Variants in TRIM29 observed in about 807,000 individuals in gnomAD.
TRIM29 encodes tripartite motif containing 29, also known as tripartite motif-containing protein 29.
Under a neutral mutation model 57.3 loss-of-function variants are expected in TRIM29, and 52 were observed. The ratio of observed to expected loss-of-function variants is 0.91; its 90% confidence interval spans 0.73 to 1.14. TRIM29 has a LOEUF of 1.14. Among genes scored for constraint, TRIM29 ranks in the 50% most tolerant of loss-of-function variants. The pLI is 0.00. For missense variants in TRIM29, 753 were observed against 774.6 expected (o/e 0.97, Z 0.33); for synonymous variants, 319 against 316.9 (o/e 1.01, Z -0.07).
At position 120,112,463 on chromosome 11, in the gene TRIM29, G is replaced by C; in HGVS notation, c.1718C>G (p.Pro573Arg). ...CCCGTTGCCTTTGTTGACGTAGAAT[G>C]GCCGGTAGTGAGACTGTGGGGGAAA... ...GKQTMLSHYR[P>R]FYVNKGNGIG... Residue 573 changes from proline to arginine, a missense_variant, in exon 9 of 9, where the codon CCA (proline) becomes CGA (arginine). Physicochemically the swap from Pro to Arg is moderately radical, Grantham distance 103. Coordinates refer to ENST00000341846, the MANE Select transcript of TRIM29 (RefSeq NM_012101.4). 1 of 1,613,630 alleles carries C rather than the reference G, an allele frequency of 6.2e-7. No individual in the cohort carries two copies. The highest frequency in any genetic ancestry group is 8.5e-7 in the Non-Finnish European group (1 of 1,179,802).
intron 8 of TRIM29, among the ~76,000 whole-genome samples, chr11:120,114,862 A>G (rs12808008): frequency 0.21 from 32,390 of 151,860 alleles, 4,345 homozygotes; most frequent in Non-Finnish European, 0.31. Flanking sequence ...GACCCTAAAT[A>G]TATCTATTCC....
rs1282522525 is a variant in TRIM29 at position 120,112,071 on chromosome 11, G to A, written c.*343C>T. The A allele has an allele frequency of 6.2e-6, 2 of 324,994 alleles. No homozygotes were observed. Among genetic ancestry groups the A allele is most frequent in the Non-Finnish European group, 1.2e-5 (2 of 171,872 alleles). 20.1% of individuals were successfully genotyped at this position (324,994 alleles called of 1,614,324 possible). A position where few individuals can be genotyped will look rare whatever the true frequency, so the allele number is the denominator to read the frequency against. On this transcript the variant is annotated 3_prime_UTR_variant, in exon 9 of 9. Coordinates refer to ENST00000341846, the MANE Select transcript of TRIM29 (RefSeq NM_012101.4). ...GGCGGGAGAGGCAGGCTGATACCAT[G>A]CGGGTACTCACTGCTAGCCCCCAGA...
rs771679809 is a variant in TRIM29, at chr11:120,112,022, T to C, written c.*392A>G. The C allele has an allele frequency of 1.6e-5, 4 of 245,940 alleles. No individual in the cohort carries two copies. Among genetic ancestry groups the C allele is most frequent in the East Asian group, 1.5e-4 (1 of 6,474 alleles). 15.2% of individuals were successfully genotyped at this position (245,940 alleles called of 1,614,324 possible). A position where few individuals can be genotyped will look rare whatever the true frequency, so the allele number is the denominator to read the frequency against. ...ATAGGGCCTTGGAGAGAAACGTCTA[T>C]AGGCCTGGAGACAGCAGGGCGTGGG... On this transcript the variant is annotated 3_prime_UTR_variant, in exon 9 of 9. Coordinates refer to ENST00000341846, the MANE Select transcript of TRIM29 (RefSeq NM_012101.4).
chr11:120,117,769 C>G, intron 7 of TRIM29: 1 of 191,182 alleles, frequency 5.2e-6, no homozygotes, highest in South Asian at 9.0e-5. Context: ...GACTTAGGGT[C>G]GTCTGGTCCT....
In TRIM29 at chr11:120,112,276, G is replaced by A. The variant is rs997990723; in HGVS notation, c.*138C>T. On this transcript the variant is annotated 3_prime_UTR_variant, in exon 9 of 9. Transcript: ENST00000341846. ...GGAGAGGCCGGAACTGCCCCCAAGA[G>A]GCTGGCAGAGGGCTGCAGAGGGCAG... 4.1e-6 allele frequency: 4 copies of A among 974,406 alleles called. No individual in the cohort carries two copies. The highest frequency in any genetic ancestry group is 3.1e-5 in the South Asian group (2 of 63,710). 60.4% of individuals were successfully genotyped at this position (974,406 alleles called of 1,614,324 possible). A position where few individuals can be genotyped will look rare whatever the true frequency, so the allele number is the denominator to read the frequency against.
chr11:120,134,745 G>T (rs1013613351), intron 1 of TRIM29, among the ~76,000 whole-genome samples: 1 of 152,142 alleles, frequency 6.6e-6, no homozygotes, highest in African/African-American at 2.4e-5. Context: ...ATCCCCTTGG[G>T]GCCCTTTCCC....
intron 1 of TRIM29, among the ~76,000 whole-genome samples, chr11:120,135,330 A>T (rs1192373997): frequency 1.3e-5 from 2 of 152,140 alleles, no homozygotes; most frequent in Non-Finnish European, 2.9e-5. Context: ...CATGTCTAAG[A>T]ATTCCAGGGC....
chr11:120,123,773 G>T (rs140425513), intron 4 of TRIM29: 25 of 322,670 alleles, frequency 7.7e-5, no homozygotes, highest in African/African-American at 4.3e-4. Flanking sequence ...AAATGTGCCT[G>T]AGACCCTCAT....
chr11:120,121,978 C>G lies in TRIM29; in HGVS notation c.1435+976G>C, dbSNP rs552191170. On this transcript the variant is annotated intron_variant, in intron 5 of 8. Coordinates refer to ENST00000341846, the MANE Select transcript of TRIM29 (RefSeq NM_012101.4). ...GGCAGGGAGGAGGCAGGCTGGCCGGCTGGGGCCTGGCCCACACCAGGAATG... is the reference window on the plus strand; with the variant it reads ...GGCAGGGAGGAGGCAGGCTGGCCGGGTGGGGCCTGGCCCACACCAGGAATG... 3.3e-4 allele frequency: 149 copies of G among 448,548 alleles called. 1 individual carries two copies. Among genetic ancestry groups the G allele is most frequent in the African/African-American group, 2.6e-3 (131 of 49,850 alleles). The allele number at this position is 448,548 out of a possible 1,614,324, so 27.8% of individuals were successfully genotyped here.
At chr11:120,115,188 G>C (rs1456281746) in intron 8 of TRIM29, 150 bp downstream of exon 8, 1 of 732,766 alleles carries the variant, frequency 1.4e-6, no homozygotes, top group Non-Finnish European at 2.3e-6. Context: ...GCTGTGTACA[G>C]GTATTCAGGC....
At chr11:120,117,013 T>C (rs1361796244) in intron 7 of TRIM29, 1 of 447,926 alleles carries the variant, frequency 2.2e-6, no homozygotes, top group Non-Finnish European at 4.5e-6. Flanking sequence ...AACTCTGCAG[T>C]GGCCTGTCCC....
In TRIM29 at chr11:120,137,157, G is replaced by T; in HGVS notation, c.804+71C>A. On this transcript the variant is annotated intron_variant, in intron 1 of 8. Transcript: ENST00000341846. This position sits in a 1 kb window ranked among gnomAD's most constrained non-coding sequence, Gnocchi z 6.2. ...CCAAACCCGAGGAAGCCCGAGTGGA[G>T]AAGATGAAGTTCGGAGGGGTGGGGT... 6.5e-7 allele frequency: 1 copy of T among 1,543,350 alleles called. No individual in the cohort carries two copies. Among genetic ancestry groups the T allele is most frequent in the Non-Finnish European group, 8.8e-7 (1 of 1,130,676 alleles).
At position 120,138,037 on chromosome 11, in the gene TRIM29, G is replaced by C; in HGVS notation, c.-6C>G. On this transcript the variant is annotated 5_prime_UTR_variant, in exon 1 of 9. Coordinates refer to ENST00000341846, the MANE Select transcript of TRIM29 (RefSeq NM_012101.4). ...GAGGCATCTGCAGCTTCCATCGCAGGGTGCTTGGCTGAGCTGTTTCAGGCT... is the reference window on the plus strand; with the variant it reads ...GAGGCATCTGCAGCTTCCATCGCAGCGTGCTTGGCTGAGCTGTTTCAGGCT... The C allele has an allele frequency of 6.3e-7, 1 of 1,586,084 alleles. No homozygotes were observed.
chr11:120,115,203 G>C, intron 8 of TRIM29, 135 bp downstream of exon 8: 1 of 836,344 alleles, frequency 1.2e-6, no homozygotes. Context: ...TCAGGCCACT[G>C]CTGCCTCCTT....
At chr11:120,124,262 C>A in intron 4 of TRIM29, 1 of 152,814 alleles carries the variant, frequency 6.5e-6, no homozygotes, top group Non-Finnish European at 1.5e-5. Context: ...TGAACAGTTT[C>A]TGCAAGGCTC....
In TRIM29 at chr11:120,112,024, G is replaced by A. The variant is rs1017648491; in HGVS notation, c.*390C>T. 3.7e-6 allele frequency: 1 copy of A among 268,074 alleles called. No individual in the cohort carries two copies. The highest frequency in any genetic ancestry group is 7.2e-6 in the Non-Finnish European group (1 of 138,312). 16.6% of individuals were successfully genotyped at this position (268,074 alleles called of 1,614,324 possible). On this transcript the variant is annotated 3_prime_UTR_variant, in exon 9 of 9. Coordinates refer to ENST00000341846, the MANE Select transcript of TRIM29 (RefSeq NM_012101.4). ...AGGGCCTTGGAGAGAAACGTCTATAGGCCTGGAGACAGCAGGGCGTGGGCG... is the reference window on the plus strand; with the variant it reads ...AGGGCCTTGGAGAGAAACGTCTATAAGCCTGGAGACAGCAGGGCGTGGGCG...
chr11:120,126,004 C>T, intron 3 of TRIM29, 115 bp from the exon 4 acceptor site: 1 of 995,448 alleles, frequency 1.0e-6, no homozygotes, highest in Non-Finnish European at 1.5e-6. Flanking sequence ...AAGCCCCACT[C>T]TTCCTCACTG....
At chr11:120,118,063 T>G (rs1479942424) in intron 7 of TRIM29, 160 bp downstream of exon 7, 5 of 673,432 alleles carry the variant, frequency 7.4e-6, no homozygotes, top group Non-Finnish European at 1.3e-5. Flanking sequence ...GCCCTCATTT[T>G]CAGCAAAGAC....
intron 6 of TRIM29, 133 bp downstream of exon 6, chr11:120,120,440 C>T (rs1030675550): frequency 2.5e-6 from 2 of 798,064 alleles, no homozygotes; most frequent in Admixed American, 4.9e-5. Flanking sequence ...CTGGACCCTC[C>T]ACCCATCCTA....
Sources: allele counts gnomAD v4.1 joint callset (sites outside exome capture counted in the v4.1 genomes callset), GRCh38; gene constraint gnomAD v4.1.1; non-coding constraint Gnocchi (gnomAD v3.1); transcripts MANE v1.5; gene names NCBI Gene and HGNC (gene_info 2026-07-23, HGNC 2026-07-21).